FYCO1: variants seen among roughly 807,000 people sequenced by gnomAD.
FYCO1 encodes the protein FYVE and coiled-coil domain-containing protein 1.
In FYCO1, 122 loss-of-function variants were observed where a neutral mutation model predicts 165.1. The ratio of observed to expected loss-of-function variants is 0.74; its 90% confidence interval spans 0.64 to 0.86. FYCO1 has a LOEUF of 0.86. Ranked by LOEUF, FYCO1 falls within the 40% of genes least tolerant of loss-of-function variation. The pLI, the probability that FYCO1 is intolerant of heterozygous loss-of-function variation, is 0.00. For missense variants in FYCO1, 1,702 were observed against 1,810.3 expected, an observed-to-expected ratio of 0.94 and a Z score of 1.09; for synonymous variants, 648 against 742.5, an observed-to-expected ratio of 0.87 and a Z score of 2.07.
chr3:45,939,084 CT>C (rs1704061551), intron 14 of FYCO1, among the ~76,000 whole-genome samples: 1 of 152,250 alleles, frequency 6.6e-6, no homozygotes, highest in Non-Finnish European at 1.5e-5. Context: ...CAGCCTACTG[CT>C]AGCTTGGCTG....
intron 14 of FYCO1, chr3:45,947,826 G>A: frequency 3.0e-6 from 1 of 329,224 alleles, no homozygotes; most frequent in Non-Finnish European, 5.9e-6. Flanking sequence ...GACTGGGGCT[G>A]AAGGTTGAAG....
chr3:45,977,350 AATATATATATATATATATATAT>A (rs57543574), intron 4 of FYCO1, among the ~76,000 whole-genome samples: 2,760 of 112,508 alleles, frequency 0.025, 86 homozygotes, highest in Non-Finnish European at 0.033. Context: ...AACTGAATTA[AATATATATATATATATATATAT>A]ATATATATAT....
At chr3:45,940,436 G>A (rs909380631) in intron 14 of FYCO1, among the ~76,000 whole-genome samples, 4 of 152,152 alleles carry the variant, frequency 2.6e-5, no homozygotes, top group African/African-American at 7.2e-5. Flanking sequence ...CTCTAGAAAC[G>A]ACTGATAAGG....
chr3:45,966,608 C>T lies in FYCO1; in HGVS notation c.2726G>A (p.Gly909Asp), dbSNP rs1193692672. The T allele has an allele frequency of 6.2e-7, 1 of 1,614,198 alleles. No individual in the cohort carries two copies. Among genetic ancestry groups the T allele is most frequent in the Middle Eastern group, 1.6e-4 (1 of 6,062 alleles). ...CACGGTCAGTGCGCAAACCTGGATG[C>T]CCAGCTCAGCTGTGTCTGTGTTGGC... ...HRANTDTAEL[G>D]IQVCALTVEK... Residue 909 changes from glycine (G) to aspartate (D), a missense_variant, in exon 8 of 18, where the codon GGC becomes GAC. Coordinates refer to ENST00000296137, the MANE Select transcript of FYCO1 (RefSeq NM_024513.4).
chr3:45,947,141 T>C, intron 14 of FYCO1: 2 of 1,614,208 alleles, frequency 1.2e-6, no homozygotes, highest in Non-Finnish European at 1.7e-6. Flanking sequence ...CACTGCTTCA[T>C]GCTGGAGGCT....
intron 14 of FYCO1, chr3:45,940,814 T>A (rs1206421246): frequency 2.0e-5 from 3 of 152,242 alleles, no homozygotes; most frequent in East Asian, 1.9e-4. Flanking sequence ...GAGGCAAGAC[T>A]TGAGTTGCTG....
chr3:45,975,901 G>C (rs753110), intron 4 of FYCO1, among the ~76,000 whole-genome samples: 4,686 of 152,238 alleles, frequency 0.031, 239 homozygotes, highest in African/African-American at 0.1. Context: ...GGAAGGGAGG[G>C]ACAAGGGCAG....
rs1342764749 is a variant in FYCO1 at position 45,964,309 on chromosome 3, C to T, written c.3269+27G>A. On this transcript the variant is annotated intron_variant, in intron 10 of 17. Coordinates refer to ENST00000296137, the MANE Select transcript of FYCO1 (RefSeq NM_024513.4). The surrounding 1 kb of genome is among the most constrained non-coding windows in gnomAD (Gnocchi z 4.1). ...ACACTCCTTCCCTGAAGACTACCGA[C>T]AGCTACGTAGGTGGACTGTGACTAA... is the stretch of plus-strand genomic sequence containing the variant. 2.6e-6 allele frequency: 4 copies of T among 1,532,728 alleles called. No homozygotes were observed. Among genetic ancestry groups the T allele is most frequent in the East Asian group, 4.5e-5 (2 of 44,540 alleles). 94.9% of individuals were successfully genotyped at this position (1,532,728 alleles called of 1,614,324 possible).
intron 7 of FYCO1, among the ~76,000 whole-genome samples, 154 bp downstream of exon 7, chr3:45,969,521 C>T (rs181067322): frequency 2.7e-4 from 41 of 152,300 alleles, no homozygotes; most frequent in Admixed American, 7.2e-4. Context: ...GGTTGAAAAA[C>T]CCAGACTCCC....
chr3:45,963,611 G>C (rs1466376082), intron 10 of FYCO1, among the ~76,000 whole-genome samples: 1 of 152,232 alleles, frequency 6.6e-6, no homozygotes, highest in African/African-American at 2.4e-5. Context: ...TGGCACACAT[G>C]CAATTCGATT....
At chr3:45,930,471 GA>G (rs907898572) in intron 16 of FYCO1, among the ~76,000 whole-genome samples, 1 of 152,140 alleles carries the variant, frequency 6.6e-6, no homozygotes, top group Non-Finnish European at 1.5e-5. Flanking sequence ...CTGCTCATTG[GA>G]ATCACTTGGA....
intron 13 of FYCO1, among the ~76,000 whole-genome samples, chr3:45,958,127 C>G (rs1469106184): frequency 1.3e-5 from 2 of 152,222 alleles, no homozygotes; most frequent in Admixed American, 6.5e-5. Flanking sequence ...TTCTCCAAAG[C>G]ATGGGGTGTA....
chr3:45,922,581 G>A (rs1222212733), intron 17 of FYCO1, among the ~76,000 whole-genome samples: 1 of 152,176 alleles, frequency 6.6e-6, no homozygotes, highest in Non-Finnish European at 1.5e-5. Flanking sequence ...TCCAAAGAGA[G>A]CTCTCTGGCC....
At chr3:45,977,564 AC>A (rs1706837832) in intron 4 of FYCO1, among the ~76,000 whole-genome samples, 1 of 151,614 alleles carries the variant, frequency 6.6e-6, no homozygotes, top group Admixed American at 6.6e-5. Flanking sequence ...TCTAATCAGA[AC>A]CCACATACAC....
At chr3:45,946,975 C>T (rs773568491) in intron 14 of FYCO1, 1 of 1,614,084 alleles carries the variant, frequency 6.2e-7, no homozygotes, top group South Asian at 1.1e-5. Flanking sequence ...GTTTCCTTGC[C>T]CCAAATTATC....
At chr3:45,985,151 C>T (rs552114625) in intron 1 of FYCO1, 129 bp from the exon 2 acceptor site, 5 of 611,958 alleles carry the variant, frequency 8.2e-6, no homozygotes, top group East Asian at 5.6e-5. Flanking sequence ...GAGGGCTTGA[C>T]CTTTCTGTGT....
chr3:45,966,102 G>T lies in FYCO1; in HGVS notation c.3057+175C>A, dbSNP rs137999286. ...GTTCTGCGCCTAACATATTCCTGCAGAGAGAAAGATGCTACTGGGAGCTGT... is the reference window on the plus strand; with the variant it reads ...GTTCTGCGCCTAACATATTCCTGCATAGAGAAAGATGCTACTGGGAGCTGT... On this transcript the variant is annotated intron_variant, in intron 8 of 17. Coordinates refer to ENST00000296137, the MANE Select transcript of FYCO1 (RefSeq NM_024513.4). 2.7e-3 allele frequency among the ~76,000 whole-genome samples: 406 copies of T among 152,350 alleles called. 2 individuals are homozygous for T. The highest frequency in any genetic ancestry group is 9.3e-3 in the African/African-American group (388 of 41,578).
chr3:45,966,709 C>T lies in FYCO1; in HGVS notation c.2625G>A (p.Glu875=), dbSNP rs762972565. ...AGCTGCATTTGGCCTGGGACAGCTC[C>T]TCCTGCAGGGCCCGCAGCTCCTCCT... ...QREEELRALQ[E]ELSQAKCSSE... is the part of the protein sequence containing the mutation. Residue 875 remains glutamate, a synonymous_variant, in exon 8 of 18, where the codon GAG becomes GAA. Transcript: ENST00000296137. 2.5e-5 allele frequency: 41 copies of T among 1,613,132 alleles called. No homozygotes were observed. The highest frequency in any genetic ancestry group is 3.3e-5 in the Non-Finnish European group (39 of 1,179,976).
intron 16 of FYCO1, among the ~76,000 whole-genome samples, chr3:45,924,939 T>C (rs562391544): frequency 0.025 from 550 of 21,674 alleles, 3 homozygotes; most frequent in African/African-American, 0.06. Flanking sequence ...TAAAAAAAAT[T>C]TTTTTTTTAA....
Sources: gnomAD v4.1 joint callset for allele counts (sites outside exome capture counted in the v4.1 genomes callset) on GRCh38, gnomAD v4.1.1 for gene constraint, Gnocchi (gnomAD v3.1) non-coding constraint, MANE v1.5 for transcripts, NCBI Gene and HGNC (gene_info 2026-07-23, HGNC 2026-07-21) for gene names.